KCNIP4: variants seen among roughly 807,000 people sequenced by gnomAD.
The protein encoded by KCNIP4 is Kv channel-interacting protein 4.
KCNIP4 carries 12 observed loss-of-function variants against 34.0 expected under a neutral mutation model. The observed-to-expected ratio is 0.35, with a 90% CI of 0.23 to 0.57. KCNIP4 has a LOEUF of 0.57. KCNIP4 is among the 20% of genes least tolerant of loss of function. The probability of loss-of-function intolerance (pLI) is 0.83; values close to 1 mark genes in which losing one functional copy is unlikely to be tolerated. For missense variants in KCNIP4, 238 were observed against 311.7 expected (o/e 0.76, Z 1.78); for synonymous variants, 124 against 102.2 (o/e 1.21, Z -1.29).
At chr4:21,258,487 A>C (rs1761229753) in intron 1 of KCNIP4, among the ~76,000 whole-genome samples, 1 of 152,200 alleles carries the variant, frequency 6.6e-6, no homozygotes, top group Non-Finnish European at 1.5e-5. Context: ...ATCCAGCAAT[A>C]TGGGAATTTT....
intron 1 of KCNIP4, among the ~76,000 whole-genome samples, chr4:21,538,011 C>CAAAAAAAAAAA (rs71191517): frequency 2.0e-5 from 1 of 51,268 alleles, no homozygotes; most frequent in Non-Finnish European, 3.6e-5. Context: ...GATTCCGTCT[C>CAAAAAAAAAAA]AAAAAAAAAA....
At chr4:21,202,214 G>A (rs979009767) in intron 1 of KCNIP4, among the ~76,000 whole-genome samples, 1 of 152,234 alleles carries the variant, frequency 6.6e-6, no homozygotes, top group African/African-American at 2.4e-5. Flanking sequence ...TAAAGAAAAT[G>A]TGGGATGTAT....
At position 21,778,537 on chromosome 4, in the gene KCNIP4, TTTTG is replaced by T. The variant is rs544677695; in HGVS notation, c.61+170030_61+170033del. Among the ~76,000 whole-genome samples the T allele has an allele frequency of 1.4e-3, 212 of 152,240 alleles. 1 individual carries two copies. The highest frequency in any genetic ancestry group is 2.5e-3 in the Non-Finnish European group (172 of 68,024). On this transcript the variant is annotated intron_variant, in intron 1 of 8. Transcript: ENST00000382152. ...AGCCACTGTGCTGGGTGTATATATT[TTTTG>T]TTTGTTTTTGTTTGAACCTAAAGTC...
At chr4:21,799,894 T>C (rs1720880398) in intron 1 of KCNIP4, among the ~76,000 whole-genome samples, 1 of 152,226 alleles carries the variant, frequency 6.6e-6, no homozygotes, top group African/African-American at 2.4e-5. Context: ...CCTTATCATC[T>C]GTAGTTTCAT....
chr4:21,246,468 T>G (rs1760211464), intron 1 of KCNIP4, among the ~76,000 whole-genome samples: 3 of 152,342 alleles, frequency 2.0e-5, no homozygotes, highest in South Asian at 4.1e-4. Context: ...AATACTTATG[T>G]GTGCTAAAAG....
intron 1 of KCNIP4, among the ~76,000 whole-genome samples, chr4:21,203,985 G>A (rs1050517876): frequency 7.9e-5 from 12 of 152,154 alleles, no homozygotes; most frequent in Non-Finnish European, 1.8e-4. Context: ...TACTAGTGTT[G>A]TAGATGAAAT....
At chr4:21,228,828 C>G (rs185833238) in intron 1 of KCNIP4, among the ~76,000 whole-genome samples, 5 of 152,246 alleles carry the variant, frequency 3.3e-5, no homozygotes, top group Admixed American at 6.5e-5. Flanking sequence ...GGTTCCTCAG[C>G]CTGGTGCTGT....
At chr4:20,773,284 G>A (rs963107602) in intron 3 of KCNIP4, among the ~76,000 whole-genome samples, 3 of 152,174 alleles carry the variant, frequency 2.0e-5, no homozygotes, top group African/African-American at 7.2e-5. Context: ...TACTTGAGAA[G>A]TTTCCACCCT....
intron 1 of KCNIP4, among the ~76,000 whole-genome samples, chr4:21,121,545 T>C (rs1199109481): frequency 6.6e-6 from 1 of 152,232 alleles, no homozygotes; most frequent in Non-Finnish European, 1.5e-5. Context: ...AGGCAGCATC[T>C]TGTAATGAAG....
intron 1 of KCNIP4, among the ~76,000 whole-genome samples, chr4:20,986,219 C>A (rs552981405): frequency 6.6e-6 from 1 of 152,148 alleles, no homozygotes; most frequent in South Asian, 2.1e-4. Context: ...ACCTGCTGAT[C>A]ATCTCAACCC....
intron 1 of KCNIP4, among the ~76,000 whole-genome samples, chr4:20,968,524 A>G (rs185339470): frequency 0.019 from 2,937 of 152,206 alleles, 94 homozygotes; most frequent in African/African-American, 0.067. Flanking sequence ...CTTGGAACCA[A>G]CCCAAATGTC....
chr4:21,334,198 C>A (rs1032940518), intron 1 of KCNIP4, among the ~76,000 whole-genome samples: 4 of 151,996 alleles, frequency 2.6e-5, no homozygotes, highest in African/African-American at 9.7e-5. Flanking sequence ...AGCTGTATGA[C>A]ACTGAATAAA....
chr4:21,820,309 A>G (rs1381007163), intron 1 of KCNIP4, among the ~76,000 whole-genome samples: 1 of 144,790 alleles, frequency 6.9e-6, no homozygotes, highest in Non-Finnish European at 1.5e-5. Flanking sequence ...ATATATATAT[A>G]TATATATATA....
chr4:21,110,706 T>A (rs1254355428), intron 1 of KCNIP4, among the ~76,000 whole-genome samples: 1 of 152,216 alleles, frequency 6.6e-6, no homozygotes, highest in Non-Finnish European at 1.5e-5. Flanking sequence ...AATTAGGTCA[T>A]GGAATAAGTA....
At chr4:21,911,462 AAG>A (rs979157618) in intron 1 of KCNIP4, among the ~76,000 whole-genome samples, 40 of 151,972 alleles carry the variant, frequency 2.6e-4, no homozygotes, top group Non-Finnish European at 5.3e-4. Context: ...TGAAGACAAA[AAG>A]AGAGTGAGAA....
At chr4:21,754,870 G>A (rs151233194) in intron 1 of KCNIP4, among the ~76,000 whole-genome samples, 2,519 of 152,216 alleles carry the variant, frequency 0.017, 31 homozygotes, top group Middle Eastern at 0.027. Context: ...CTTTTGGGCC[G>A]GGCACAGTGG....
At chr4:21,339,781 G>A (rs1433192572) in intron 1 of KCNIP4, among the ~76,000 whole-genome samples, 4 of 152,192 alleles carry the variant, frequency 2.6e-5, no homozygotes, top group Non-Finnish European at 4.4e-5. Flanking sequence ...GAAGATGCAT[G>A]TCATGTATGT....
chr4:21,412,560 A>G (rs906965975), intron 1 of KCNIP4, among the ~76,000 whole-genome samples: 2 of 152,198 alleles, frequency 1.3e-5, no homozygotes, highest in Non-Finnish European at 1.5e-5. Flanking sequence ...GAATTTCTTC[A>G]TACCTTGCTG....
intron 1 of KCNIP4, among the ~76,000 whole-genome samples, chr4:21,077,773 CT>C (rs1745626308): frequency 6.6e-6 from 1 of 151,802 alleles, no homozygotes; most frequent in African/African-American, 2.4e-5. Context: ...GGGAATAATC[CT>C]TTTTATTATA....
Sources: gnomAD v4.1 joint callset for allele counts (sites outside exome capture counted in the v4.1 genomes callset) on GRCh38, gnomAD v4.1.1 for gene constraint, MANE v1.5 for transcripts, NCBI Gene and HGNC (gene_info 2026-07-23, HGNC 2026-07-21) for gene names.